The following SLC12A2 variants were observed in gnomAD, a reference collection of about 807,000 sequenced individuals.
SLC12A2 encodes the protein Na-K-2Cl cotransporter 1.
SLC12A2 carries 67 observed loss-of-function variants against 136.3 expected under a neutral mutation model. The observed-to-expected ratio is 0.49, with a 90% confidence interval of 0.40 to 0.60. SLC12A2 has a LOEUF of 0.60. SLC12A2 is among the 20% of genes least tolerant of loss of function. SLC12A2 has a pLI of 0.00. For synonymous variants in SLC12A2, 619 were observed against 562.9 expected (o/e 1.10, Z -1.41); for missense variants, 1,322 against 1,534.7 (o/e 0.86, Z 2.32).
intron 7 of SLC12A2, among the ~76,000 whole-genome samples, chr5:128,136,896 A>T (rs1471489039): frequency 6.6e-6 from 1 of 152,154 alleles, no homozygotes; most frequent in Non-Finnish European, 1.5e-5. Flanking sequence ...CCAACTGATT[A>T]TTTGAAGTCT....
chr5:128,093,563 AC>A (rs1337840664), intron 1 of SLC12A2, among the ~76,000 whole-genome samples: 1 of 152,094 alleles, frequency 6.6e-6, no homozygotes, highest in African/African-American at 2.4e-5. Flanking sequence ...TCGGAATGGT[AC>A]CACTATTCAT....
intron 1 of SLC12A2, among the ~76,000 whole-genome samples, chr5:128,100,903 T>C (rs1358876281): frequency 6.6e-6 from 1 of 152,158 alleles, no homozygotes; most frequent in East Asian, 1.9e-4. Flanking sequence ...TCTAATGCAT[T>C]CTGTTGTAAC....
chr5:128,126,966 A>AATTTTT (rs1554105176), intron 4 of SLC12A2, among the ~76,000 whole-genome samples: 3 of 21,160 alleles, frequency 1.4e-4, no homozygotes, highest in African/African-American at 5.0e-4. Context: ...ATATATATAT[A>AATTTTT]TTTTTTTTTT....
intron 19 of SLC12A2, among the ~76,000 whole-genome samples, chr5:128,172,836 A>G (rs974977862): frequency 2.6e-5 from 4 of 152,088 alleles, no homozygotes; most frequent in Non-Finnish European, 5.9e-5. Context: ...TTGTAATCCC[A>G]GATGTTTGGG....
At chr5:128,146,972 A>G (rs1762548339) in intron 10 of SLC12A2, among the ~76,000 whole-genome samples, 1 of 151,672 alleles carries the variant, frequency 6.6e-6, no homozygotes, top group African/African-American at 2.4e-5. Flanking sequence ...AATCCAGAGT[A>G]TGAGATCTCC....
At chr5:128,179,396 A>T (rs988254274) in intron 22 of SLC12A2, among the ~76,000 whole-genome samples, 4 of 152,126 alleles carry the variant, frequency 2.6e-5, no homozygotes, top group Middle Eastern at 3.2e-3. Flanking sequence ...GTGTGGACTC[A>T]TTGATTCCTA....
chr5:128,090,484 C>A (rs1167548660), intron 1 of SLC12A2, among the ~76,000 whole-genome samples: 1 of 152,046 alleles, frequency 6.6e-6, no homozygotes, highest in African/African-American at 2.4e-5. Flanking sequence ...AAATGTGAAC[C>A]TAGTTATTCA....
chr5:128,098,705 C>A (rs1375203604), intron 1 of SLC12A2, among the ~76,000 whole-genome samples: 1 of 151,916 alleles, frequency 6.6e-6, no homozygotes, highest in African/African-American at 2.4e-5. Context: ...CACCCCCATC[C>A]ACTCCTCTCC....
intron 1 of SLC12A2, among the ~76,000 whole-genome samples, chr5:128,109,194 T>C (rs1032157527): frequency 1.4e-4 from 21 of 152,262 alleles, no homozygotes; most frequent in African/African-American, 5.1e-4. Context: ...TTTCAAAAAA[T>C]ATACTTAATT....
At chr5:128,101,432 TAA>T (rs1467445013) in intron 1 of SLC12A2, among the ~76,000 whole-genome samples, 3 of 152,184 alleles carry the variant, frequency 2.0e-5, no homozygotes, top group Non-Finnish European at 4.4e-5. Flanking sequence ...AACGTATCTT[TAA>T]AAACATTTTA....
chr5:128,161,167 T>G (rs1561695636), intron 16 of SLC12A2, among the ~76,000 whole-genome samples: 1 of 152,246 alleles, frequency 6.6e-6, no homozygotes, highest in Non-Finnish European at 1.5e-5. Context: ...AAAGTTCATT[T>G]AGTTTCTCCT....
intron 1 of SLC12A2, among the ~76,000 whole-genome samples, chr5:128,112,098 A>G (rs1011426459): frequency 1.3e-5 from 2 of 152,102 alleles, no homozygotes; most frequent in African/African-American, 4.8e-5. Context: ...TGTGTCATAT[A>G]TTGGGATAGA....
intron 1 of SLC12A2, among the ~76,000 whole-genome samples, chr5:128,094,971 TTAGA>T (rs1760470474): frequency 6.6e-6 from 1 of 152,156 alleles, no homozygotes; most frequent in African/African-American, 2.4e-5. Context: ...GAAAGATATA[TTAGA>T]TAGTGCTGTC....
At chr5:128,138,035 T>C (rs917409537) in intron 7 of SLC12A2, among the ~76,000 whole-genome samples, 7 of 151,882 alleles carry the variant, frequency 4.6e-5, no homozygotes, top group African/African-American at 1.7e-4. Context: ...CTGTCCAGGC[T>C]TAAATGATTC....
intron 22 of SLC12A2, among the ~76,000 whole-genome samples, chr5:128,179,949 T>C (rs1212280632): frequency 1.8e-4 from 4 of 21,630 alleles, no homozygotes; most frequent in Admixed American, 5.4e-4. Flanking sequence ...CAATCGTTCC[T>C]TTTTTTTTTT....
At chr5:128,132,884 TATTTA>T (rs1226169447) in intron 5 of SLC12A2, among the ~76,000 whole-genome samples, 1 of 143,820 alleles carries the variant, frequency 7.0e-6, no homozygotes, top group African/African-American at 2.4e-5. Flanking sequence ...CTTATCAAAG[TATTTA>T]ATTAGGGTTT....
chr5:128,149,713 A>G (rs1762639064), intron 12 of SLC12A2, among the ~76,000 whole-genome samples: 1 of 151,966 alleles, frequency 6.6e-6, no homozygotes. Flanking sequence ...ATTATGATGC[A>G]TATAGACGAT....
At chr5:128,126,075 G>A (rs1448575828) in intron 4 of SLC12A2, among the ~76,000 whole-genome samples, 3 of 152,118 alleles carry the variant, frequency 2.0e-5, no homozygotes, top group African/African-American at 4.8e-5. Flanking sequence ...TAAGTCCTAA[G>A]TCTTCTAACT....
chr5:128,182,556 T>C (rs962767343), intron 23 of SLC12A2, among the ~76,000 whole-genome samples: 1 of 152,110 alleles, frequency 6.6e-6, no homozygotes, highest in Non-Finnish European at 1.5e-5. Context: ...ATAGTTTGAC[T>C]AAAATTAACT....
Sources: allele counts gnomAD v4.1 joint callset (sites outside exome capture counted in the v4.1 genomes callset), GRCh38; gene constraint gnomAD v4.1.1; transcripts MANE v1.5; gene names NCBI Gene and HGNC (gene_info 2026-07-23, HGNC 2026-07-21).